Variants in SNX7 observed in about 807,000 individuals in gnomAD.
SNX7 encodes sorting nexin-7.
A neutral mutation model predicts 48.4 loss-of-function variants in SNX7; 35 were observed. That is an observed-to-expected ratio of 0.72 (90% CI 0.55 to 0.96). SNX7 has a LOEUF of 0.96. Among genes scored for constraint, SNX7 ranks in the 40% least tolerant of loss-of-function variants. SNX7 has a pLI of 0.00. For missense variants in SNX7, 553 were observed against 548.9 expected, an observed-to-expected ratio of 1.01 and a Z score of -0.07; for synonymous variants, 190 against 190.2, an observed-to-expected ratio of 1.00 and a Z score of 0.01.
intron 8 of SNX7, among the ~76,000 whole-genome samples, chr1:98,744,529 T>G (rs1303215150): frequency 6.6e-6 from 1 of 151,918 alleles, no homozygotes; most frequent in Non-Finnish European, 1.5e-5. Context: ...GAGGAGCATC[T>G]CTGGAAGCAA....
chr1:98,682,843 A>G (rs891674372), intron 1 of SNX7, among the ~76,000 whole-genome samples: 7 of 151,724 alleles, frequency 4.6e-5, no homozygotes, highest in African/African-American at 1.7e-4. Context: ...TTTCTTTCTC[A>G]TTTTCTGGAA....
intron 7 of SNX7, among the ~76,000 whole-genome samples, chr1:98,710,596 G>A (rs536976894): frequency 6.4e-4 from 98 of 152,260 alleles, no homozygotes; most frequent in African/African-American, 2.1e-3. Context: ...TTTGCCTGCC[G>A]TAGATAGAAA....
At chr1:98,726,898 C>T (rs917145650) in intron 7 of SNX7, among the ~76,000 whole-genome samples, 1 of 152,152 alleles carries the variant, frequency 6.6e-6, no homozygotes, top group Non-Finnish European at 1.5e-5. Flanking sequence ...ATGCCTGGCA[C>T]ATAATAGGCA....
chr1:98,754,178 G>A (rs532064633), intron 8 of SNX7, among the ~76,000 whole-genome samples: 6 of 152,072 alleles, frequency 3.9e-5, no homozygotes, highest in African/African-American at 1.4e-4. Context: ...ATAAATACTT[G>A]AATGTTAATC....
At chr1:98,696,559 A>C (rs552751056) in intron 5 of SNX7, among the ~76,000 whole-genome samples, 30 of 152,146 alleles carry the variant, frequency 2.0e-4, no homozygotes, top group Non-Finnish European at 1.3e-4. Flanking sequence ...CTTTATTAAG[A>C]ATTGATTGGT....
chr1:98,726,920 A>G (rs1653205605), intron 7 of SNX7, among the ~76,000 whole-genome samples: 1 of 152,122 alleles, frequency 6.6e-6, no homozygotes. Flanking sequence ...TTAAAAATAA[A>G]GTTTTTTTGG....
intron 2 of SNX7, among the ~76,000 whole-genome samples, chr1:98,687,017 T>G (rs1390415189): frequency 6.6e-6 from 1 of 152,196 alleles, no homozygotes; most frequent in Non-Finnish European, 1.5e-5. Flanking sequence ...GGACTGGTCT[T>G]ATAGAAGTAG....
Position 98,698,737 on chromosome 1 carries a change from A to G in SNX7, c.870A>G (p.Pro290=). The G allele has an allele frequency of 6.2e-7, 1 of 1,612,962 alleles. No individual in the cohort carries two copies. Among genetic ancestry groups the G allele is most frequent in the Non-Finnish European group, 8.5e-7 (1 of 1,179,448 alleles). Residue 290 remains proline, a synonymous_variant, in exon 6 of 9, where the codon CCA becomes CCG. Coordinates refer to ENST00000306121, the MANE Select transcript of SNX7 (RefSeq NM_015976.5). ...EYFDEMKEYG[P]IHILWSASEE... ...TTGATGAAATGAAAGAATATGGCCC[A>G]ATTCATATTCTGTGGTCAGCGTCAG...
chr1:98,732,939 T>C (rs888951674), intron 7 of SNX7, among the ~76,000 whole-genome samples: 1 of 152,098 alleles, frequency 6.6e-6, no homozygotes, highest in Admixed American at 6.6e-5. Flanking sequence ...CCTGTAGCTT[T>C]TAATTTAAAA....
intron 4 of SNX7, among the ~76,000 whole-genome samples, chr1:98,691,906 C>CAT (rs140633696): frequency 0.34 from 38,154 of 111,744 alleles, 6,090 homozygotes; most frequent in Middle Eastern, 0.4. Context: ...GTATCTTCTC[C>CAT]ATATATATAC....
chr1:98,701,050 C>G (rs762076291), intron 6 of SNX7, among the ~76,000 whole-genome samples: 2 of 152,008 alleles, frequency 1.3e-5, no homozygotes, highest in Non-Finnish European at 2.9e-5. Context: ...TAAAAAGAGT[C>G]CTTGTATCCT....
chr1:98,727,169 C>T (rs888335746), intron 7 of SNX7, among the ~76,000 whole-genome samples: 4 of 152,144 alleles, frequency 2.6e-5, no homozygotes, highest in African/African-American at 9.7e-5. Context: ...GAGATTGCGC[C>T]ACTGTACTCC....
At chr1:98,740,992 G>GC (rs887817875) in intron 8 of SNX7, among the ~76,000 whole-genome samples, 56 of 152,174 alleles carry the variant, frequency 3.7e-4, no homozygotes, top group African/African-American at 1.1e-3. Context: ...AGAAGTTGGA[G>GC]CCCTTAAATG....
At chr1:98,669,258 T>C (rs1274778372) in intron 1 of SNX7, among the ~76,000 whole-genome samples, 1 of 152,214 alleles carries the variant, frequency 6.6e-6, no homozygotes, top group African/African-American at 2.4e-5. Context: ...CCATCATTTT[T>C]ACCTTTTTGA....
At chr1:98,695,745 A>T (rs377546122) in intron 5 of SNX7, 29 bp downstream of exon 5, 6 of 1,442,796 alleles carry the variant, frequency 4.2e-6, no homozygotes, top group Non-Finnish European at 5.8e-6. Flanking sequence ...ATGTGATTTC[A>T]AAGTTGTTCA....
chr1:98,751,027 A>G (rs1386087521), intron 8 of SNX7, among the ~76,000 whole-genome samples: 1 of 152,066 alleles, frequency 6.6e-6, no homozygotes, highest in Non-Finnish European at 1.5e-5. Flanking sequence ...ATGGACACAC[A>G]TAGTTCAAAC....
chr1:98,699,006 C>T, intron 6 of SNX7, 101 bp downstream of exon 6: 1 of 1,111,598 alleles, frequency 9.0e-7, no homozygotes, highest in Non-Finnish European at 1.3e-6. Context: ...ATCTTTTTGT[C>T]CTAGCAGGTT....
At chr1:98,693,583 C>T (rs969404737) in intron 4 of SNX7, among the ~76,000 whole-genome samples, 2 of 152,158 alleles carry the variant, frequency 1.3e-5, no homozygotes, top group African/African-American at 4.8e-5. Flanking sequence ...CCAGTTGTGA[C>T]GTGAGCTGTC....
At chr1:98,671,219 A>C (rs1274866712) in intron 1 of SNX7, among the ~76,000 whole-genome samples, 1 of 152,208 alleles carries the variant, frequency 6.6e-6, no homozygotes, top group African/African-American at 2.4e-5. Context: ...TTTTCATTGG[A>C]GTCACCTTAA....
Sources: gnomAD v4.1 joint callset for allele counts (sites outside exome capture counted in the v4.1 genomes callset) on GRCh38, gnomAD v4.1.1 for gene constraint, MANE v1.5 for transcripts, NCBI Gene and HGNC (gene_info 2026-07-23, HGNC 2026-07-21) for gene names.